CNTLN: variants seen among roughly 807,000 people sequenced by gnomAD.
The protein encoded by CNTLN is centlein, also known as centlein, centrosomal protein.
Under a neutral mutation model 180.0 loss-of-function variants are expected in CNTLN, and 212 were observed. That is an observed-to-expected ratio of 1.18 (90% CI 1.05 to 1.32). The LOEUF (loss-of-function observed/expected upper bound fraction) is 1.32. CNTLN is among the 40% of genes most tolerant of loss of function. The probability of loss-of-function intolerance (pLI) is 0.00; values close to 1 mark genes in which losing one functional copy is unlikely to be tolerated. For missense variants in CNTLN, 2,095 were observed against 1,610.9 expected, an observed-to-expected ratio of 1.30 and a Z score of -5.14; for synonymous variants, 722 against 563.1, an observed-to-expected ratio of 1.28 and a Z score of -3.99.
rs147626203 is a variant in CNTLN at position 17,365,896 on chromosome 9, C to T, written c.1887-721C>T. 1.2e-4 allele frequency among the ~76,000 whole-genome samples: 19 copies of T among 152,190 alleles called. No homozygotes were observed. The East Asian group carries it at 3.3e-3, about 26-fold the overall frequency. On this transcript the variant is annotated intron_variant, in intron 12 of 25. Coordinates refer to ENST00000380647, the MANE Select transcript of CNTLN (RefSeq NM_017738.4). ...GGGAGGTAGGGGCTGCAGTAAGCCA[C>T]GATTGTGCCACTGCACTTCAGCTTG...
intron 7 of CNTLN, chr9:17,302,152 A>G (rs1206411153): frequency 2.1e-6 from 2 of 972,412 alleles, no homozygotes; most frequent in East Asian, 1.2e-4. Context: ...CCACCCAGGG[A>G]AGACTTCCTT....
intron 12 of CNTLN, among the ~76,000 whole-genome samples, chr9:17,345,713 A>T (rs1304380699): frequency 6.6e-6 from 1 of 152,088 alleles, no homozygotes; most frequent in Non-Finnish European, 1.5e-5. Flanking sequence ...AATTACATTG[A>T]GAACCTCATC....
intron 15 of CNTLN, among the ~76,000 whole-genome samples, chr9:17,403,976 A>C (rs1024394271): frequency 2.0e-5 from 3 of 151,528 alleles, no homozygotes; most frequent in Non-Finnish European, 4.4e-5. Context: ...GGGTTTCACT[A>C]TTTTGGCCAG....
At chr9:17,319,949 C>T (rs1015773381) in intron 8 of CNTLN, among the ~76,000 whole-genome samples, 1 of 152,136 alleles carries the variant, frequency 6.6e-6, no homozygotes, top group Non-Finnish European at 1.5e-5. Flanking sequence ...TTCTAAGCAC[C>T]CTGCTCTTCA....
chr9:17,157,046 G>C (rs1258419395), intron 2 of CNTLN, among the ~76,000 whole-genome samples: 1 of 152,186 alleles, frequency 6.6e-6, no homozygotes, highest in Admixed American at 6.5e-5. Flanking sequence ...TGATAACACT[G>C]TCTACTGTCT....
At chr9:17,166,150 T>C (rs890266368) in intron 2 of CNTLN, among the ~76,000 whole-genome samples, 1 of 152,056 alleles carries the variant, frequency 6.6e-6, no homozygotes, top group Non-Finnish European at 1.5e-5. Context: ...CTCCTATGAT[T>C]AATATTGTAA....
chr9:17,413,515 T>C (rs1192172172), intron 16 of CNTLN, among the ~76,000 whole-genome samples: 2 of 152,122 alleles, frequency 1.3e-5, no homozygotes, highest in African/African-American at 4.8e-5. Context: ...ACCATGTGTC[T>C]GACAAAAGTC....
At chr9:17,425,589 A>T (rs533999807) in intron 18 of CNTLN, among the ~76,000 whole-genome samples, 1 of 152,324 alleles carries the variant, frequency 6.6e-6, no homozygotes, top group Non-Finnish European at 1.5e-5. Flanking sequence ...CAAATGTGGA[A>T]GTGGCTTTGG....
intron 2 of CNTLN, among the ~76,000 whole-genome samples, chr9:17,171,267 C>T (rs1002607692): frequency 2.0e-5 from 3 of 152,184 alleles, no homozygotes; most frequent in South Asian, 2.1e-4. Flanking sequence ...GATATCTGTG[C>T]ATTTATTGGA....
At chr9:17,338,340 T>TTTTTTTTTG (rs1821211544) in intron 10 of CNTLN, among the ~76,000 whole-genome samples, 2 of 142,640 alleles carry the variant, frequency 1.4e-5, no homozygotes, top group Admixed American at 7.1e-5. Context: ...AATTTTTGTT[T>TTTTTTTTTG]TTTTTTTTTT....
chr9:17,335,372 C>G (rs1015064160), intron 10 of CNTLN, among the ~76,000 whole-genome samples: 2 of 152,022 alleles, frequency 1.3e-5, no homozygotes, highest in Admixed American at 6.6e-5. Context: ...CAAAAATTAG[C>G]TGGGTGTGGT....
intron 13 of CNTLN, among the ~76,000 whole-genome samples, chr9:17,371,090 A>T (rs1824280140): frequency 6.6e-6 from 1 of 152,138 alleles, no homozygotes. Flanking sequence ...TAACCAGGAA[A>T]CCAACAACAA....
intron 2 of CNTLN, among the ~76,000 whole-genome samples, chr9:17,168,892 C>G (rs904646365): frequency 2.6e-5 from 4 of 152,026 alleles, no homozygotes; most frequent in Non-Finnish European, 5.9e-5. Flanking sequence ...GATAGTTTTA[C>G]CGAAAGACCA....
In CNTLN at chr9:17,480,944, C is replaced by G. The variant is rs1832611427; in HGVS notation, c.3856-3351C>G. ...AATCTTAAGCTATGTGTGTAATACA[C>G]AAAAACAAATTTGTCAAGTCCTTGC... On this transcript the variant is annotated intron_variant, in intron 23 of 25. Transcript: ENST00000380647. Among the ~76,000 whole-genome samples the G allele has an allele frequency of 2.6e-5, 4 of 152,162 alleles. No homozygotes were observed. In the South Asian group the frequency reaches 8.3e-4, roughly 32 times the overall value.
intron 7 of CNTLN, among the ~76,000 whole-genome samples, chr9:17,302,389 G>C (rs1044730682): frequency 2.0e-5 from 3 of 152,070 alleles, no homozygotes; most frequent in Admixed American, 6.6e-5. Context: ...GATAGAGACT[G>C]AGTTTCACCA....
chr9:17,295,819 T>C (rs779881882), intron 6 of CNTLN, among the ~76,000 whole-genome samples: 4 of 152,138 alleles, frequency 2.6e-5, no homozygotes, highest in Non-Finnish European at 4.4e-5. Flanking sequence ...AATAAACATA[T>C]CTACATAGTA....
intron 18 of CNTLN, among the ~76,000 whole-genome samples, chr9:17,431,050 C>A (rs1182367600): frequency 6.6e-6 from 1 of 151,976 alleles, no homozygotes; most frequent in African/African-American, 2.4e-5. Flanking sequence ...GATTTCATTT[C>A]CTTTAGCTGT....
At chr9:17,405,893 AT>A (rs1430079441) in intron 15 of CNTLN, among the ~76,000 whole-genome samples, 1 of 151,610 alleles carries the variant, frequency 6.6e-6, no homozygotes, top group Non-Finnish European at 1.5e-5. Context: ...GGTTCAAGCG[AT>A]TCTCCAGAGT....
chr9:17,204,990 G>A (rs1175250970), intron 2 of CNTLN, among the ~76,000 whole-genome samples: 1 of 152,128 alleles, frequency 6.6e-6, no homozygotes, highest in African/African-American at 2.4e-5. Flanking sequence ...CACTGTCAGG[G>A]AAAAACAGCC....
Sources: gnomAD v4.1 joint callset for allele counts (sites outside exome capture counted in the v4.1 genomes callset) on GRCh38, gnomAD v4.1.1 for gene constraint, MANE v1.5 for transcripts, NCBI Gene and HGNC (gene_info 2026-07-23, HGNC 2026-07-21) for gene names.